The following PSMD7 variants were observed in gnomAD, a reference collection of about 807,000 sequenced individuals.
The protein encoded by PSMD7 is 26S proteasome non-ATPase regulatory subunit 7.
Under a neutral mutation model 36.4 loss-of-function variants are expected in PSMD7, and 13 were observed. The ratio of observed to expected loss-of-function variants is 0.36; its 90% CI spans 0.23 to 0.57. The LOEUF is 0.57. Among genes scored for constraint, PSMD7 ranks in the 20% least tolerant of loss-of-function variants. The pLI is 0.83. For missense variants in PSMD7, 298 were observed against 393.6 expected, an observed-to-expected ratio of 0.76 and a Z score of 2.06; for synonymous variants, 186 against 151.0, an observed-to-expected ratio of 1.23 and a Z score of -1.70.
At chr16:74,297,968 A>C (rs775912971) in intron 1 of PSMD7, among the ~76,000 whole-genome samples, 4 of 152,120 alleles carry the variant, frequency 2.6e-5, no homozygotes, top group Admixed American at 2.6e-4. Context: ...CAAAAAAAAA[A>C]ATGTATATAT....
intron 1 of PSMD7, among the ~76,000 whole-genome samples, 169 bp downstream of exon 1, chr16:74,297,157 C>G (rs1447920995): frequency 6.6e-6 from 1 of 152,254 alleles, no homozygotes. Context: ...CCGGAGTCAT[C>G]CAGCCTCCCG....
At chr16:74,299,559 G>T (rs1409600337) in intron 1 of PSMD7, 3 of 455,294 alleles carry the variant, frequency 6.6e-6, no homozygotes, top group Non-Finnish European at 8.8e-6. Flanking sequence ...GCTAAGTTTT[G>T]TATTTTTTGT....
chr16:74,302,135 A>T lies in PSMD7; in HGVS notation c.358-77A>T. On this transcript the variant is annotated intron_variant, in intron 4 of 6. Transcript: ENST00000219313. ...TTGATTACAAGAAATAGCTTTAGTA[A>T]TTGTGAGAAGAATGCCTGAAATTAC... The T allele has an allele frequency of 4.4e-6, 5 of 1,149,050 alleles. No homozygotes were observed. In the African/African-American group the frequency reaches 7.7e-5, roughly 18 times the overall value. 71.2% of individuals were successfully genotyped at this position (1,149,050 alleles called of 1,614,324 possible). A position where few individuals can be genotyped will look rare whatever the true frequency, so the allele number is the denominator to read the frequency against.
Position 74,300,101 on chromosome 16 carries a change from GTT to G in PSMD7, c.75-11_75-10del. ...GCGAGCCTATCCACACTGACCATCTGTTTTCTCATTCAGAATCGGCAAGGTTG... is the reference window on the plus strand; with the variant it reads ...GCGAGCCTATCCACACTGACCATCTGTTCTCATTCAGAATCGGCAAGGTTG... On this transcript the variant is annotated splice_polypyrimidine_tract_variant and intron_variant, in intron 1 of 6. Transcript: ENST00000219313. 6.2e-7 allele frequency: 1 copy of G among 1,612,722 alleles called. No individual in the cohort carries two copies. Among genetic ancestry groups the G allele is most frequent in the Non-Finnish European group, 8.5e-7 (1 of 1,178,730 alleles).
At chr16:74,299,063 T>C (rs1042147779) in intron 1 of PSMD7, among the ~76,000 whole-genome samples, 1 of 146,916 alleles carries the variant, frequency 6.8e-6, no homozygotes, top group Admixed American at 6.8e-5. Flanking sequence ...TCATTAACTT[T>C]GTTTGATTCA....
chr16:74,302,068 A>C (rs1956074391), intron 4 of PSMD7, 144 bp from the exon 5 acceptor site: 1 of 686,444 alleles, frequency 1.5e-6, no homozygotes, highest in African/African-American at 1.8e-5. Context: ...GATCATTTGA[A>C]GCATAAATGC....
At chr16:74,303,701 A>G (rs1480786904) in intron 5 of PSMD7, among the ~76,000 whole-genome samples, 1 of 151,840 alleles carries the variant, frequency 6.6e-6, no homozygotes, top group Non-Finnish European at 1.5e-5. Context: ...TATTCTGTAT[A>G]TTGTCCATTC....
intron 1 of PSMD7, 116 bp downstream of exon 1, chr16:74,297,104 C>A: frequency 8.9e-7 from 1 of 1,123,736 alleles, no homozygotes. Context: ...CGGCTGGTGA[C>A]CCTTACTTGT....
At chr16:74,301,225 T>C in intron 3 of PSMD7, 81 bp downstream of exon 3, 1 of 903,076 alleles carries the variant, frequency 1.1e-6, no homozygotes, top group Non-Finnish European at 1.7e-6. Context: ...TTCTTTAACA[T>C]CAAGGGCCCT....
At chr16:74,300,482 C>T (rs1192507262) in intron 2 of PSMD7, 3 of 445,762 alleles carry the variant, frequency 6.7e-6, no homozygotes, top group Non-Finnish European at 1.2e-5. Flanking sequence ...GGCAGTATTC[C>T]AGCAAACCTC....
At chr16:74,300,367 A>T (rs2034146218) in intron 2 of PSMD7, 161 bp downstream of exon 2, 1 of 654,188 alleles carries the variant, frequency 1.5e-6, no homozygotes, top group Non-Finnish European at 2.6e-6. Context: ...TAGACCAGAC[A>T]GTAAATATTT....
Position 74,300,107 on chromosome 16 carries a change from T to A in PSMD7, c.75-8T>A. The A allele has an allele frequency of 6.2e-7, 1 of 1,613,736 alleles. No individual in the cohort carries two copies. Among genetic ancestry groups the A allele is most frequent in the Non-Finnish European group, 8.5e-7 (1 of 1,179,600 alleles). ...CTATCCACACTGACCATCTGTTTTC[T>A]CATTCAGAATCGGCAAGGTTGGAAA... is the stretch of plus-strand genomic sequence containing the variant. On this transcript the variant is annotated splice_region_variant and splice_polypyrimidine_tract_variant and intron_variant, in intron 1 of 6. Transcript: ENST00000219313.
chr16:74,300,074 G>A (rs769189946), intron 1 of PSMD7, 41 bp from the exon 2 acceptor site: 2 of 1,533,032 alleles, frequency 1.3e-6, no homozygotes, highest in South Asian at 1.1e-5. Flanking sequence ...TCATGTTTCT[G>A]TGCGAGCCTA....
chr16:74,305,813 T>G lies in PSMD7; in HGVS notation c.*80T>G. 2 of 1,361,902 alleles carry G rather than the reference T, an allele frequency of 1.5e-6. No individual in the cohort carries two copies. Among genetic ancestry groups the G allele is most frequent in the Non-Finnish European group, 1.9e-6 (2 of 1,058,964 alleles). The allele number at this position is 1,361,902 out of a possible 1,614,324, so 84.4% of individuals were successfully genotyped here. A position where few individuals can be genotyped will look rare whatever the true frequency, so the allele number is the denominator to read the frequency against. ...CAGTGTGCTGCTAGAGGGTTCTTTT[T>G]CACTTGACATGCTTATTAGAAAGCT... is the stretch of plus-strand genomic sequence containing the variant. On this transcript the variant is annotated 3_prime_UTR_variant, in exon 7 of 7. Coordinates refer to ENST00000219313, the MANE Select transcript of PSMD7 (RefSeq NM_002811.5).
chr16:74,299,839 T>C (rs12325102), intron 1 of PSMD7: 72,092 of 501,418 alleles, frequency 0.14, 5,680 homozygotes, highest in East Asian at 0.22. Flanking sequence ...TTCATTTTCT[T>C]CATTTTAAAT....
rs1213103488 is a variant in PSMD7, at chr16:74,305,852, C to A, written c.*119C>A. ...TATTAGAAAGCTGACCCAACAAGAGCTCTCTGCCTCCGGTCACTCTTGCTG... is the reference window on the plus strand; with the variant it reads ...TATTAGAAAGCTGACCCAACAAGAGATCTCTGCCTCCGGTCACTCTTGCTG... On this transcript the variant is annotated 3_prime_UTR_variant, in exon 7 of 7. Coordinates refer to ENST00000219313, the MANE Select transcript of PSMD7 (RefSeq NM_002811.5). The A allele has an allele frequency of 2.6e-6, 3 of 1,173,364 alleles. No individual in the cohort carries two copies. In the African/African-American group the frequency reaches 4.7e-5, roughly 18 times the overall value. The allele number at this position is 1,173,364 out of a possible 1,614,324, so 72.7% of individuals were successfully genotyped here.
intron 3 of PSMD7, 28 bp from the exon 4 acceptor site, chr16:74,301,527 A>G (rs1457533635): frequency 1.3e-6 from 2 of 1,511,510 alleles, no homozygotes; most frequent in Admixed American, 3.4e-5. Context: ...TGAAATAGTT[A>G]AAGCCTGCTA....
chr16:74,302,723 A>G (rs555237040), intron 5 of PSMD7, among the ~76,000 whole-genome samples: 22 of 152,348 alleles, frequency 1.4e-4, no homozygotes, highest in Non-Finnish European at 3.2e-4. Context: ...AACCTGTGCG[A>G]CAGTTGAGAC....
At chr16:74,301,255 G>A in intron 3 of PSMD7, 111 bp downstream of exon 3, 1 of 721,026 alleles carries the variant, frequency 1.4e-6, no homozygotes, top group East Asian at 2.7e-5. Flanking sequence ...CTACACTTCA[G>A]TAAGACTAGT....
Sources: gnomAD v4.1 joint callset for allele counts (sites outside exome capture counted in the v4.1 genomes callset) on GRCh38, gnomAD v4.1.1 for gene constraint, MANE v1.5 for transcripts, NCBI Gene and HGNC (gene_info 2026-07-23, HGNC 2026-07-21) for gene names.